DHRSX: variants seen among roughly 807,000 people sequenced by gnomAD.
The protein encoded by DHRSX is polyprenol dehydrogenase.
DHRSX carries 31 observed loss-of-function variants against 34.0 expected under a neutral mutation model. The observed-to-expected ratio is 0.91, with a 90% CI of 0.69 to 1.23. DHRSX has a LOEUF of 1.23. DHRSX is among the 50% of genes most tolerant of loss of function. DHRSX has a pLI of 0.00. For synonymous variants in DHRSX, 201 were observed against 183.8 expected (o/e 1.09, Z -0.76); for missense variants, 414 against 428.1 (o/e 0.97, Z 0.29).
intron 4 of DHRSX, among the ~76,000 whole-genome samples, chrX:2,274,133 G>A (rs1355262247): frequency 6.6e-6 from 1 of 151,894 alleles, no homozygotes; most frequent in African/African-American, 2.4e-5. Context: ...TGCCTCCTGG[G>A]TTCAAGCGAT....
chrX:2,222,913 G>A (rs1350984075), intron 6 of DHRSX, among the ~76,000 whole-genome samples: 1 of 152,142 alleles, frequency 6.6e-6, no homozygotes, highest in East Asian at 1.9e-4. Flanking sequence ...CCGAGCAAGG[G>A]GAACAGGAAG....
At chrX:2,399,888 A>C (rs2043465559) in intron 3 of DHRSX, among the ~76,000 whole-genome samples, 2 of 151,838 alleles carry the variant, frequency 1.3e-5, no homozygotes, top group South Asian at 4.1e-4. Context: ...TAAAAAACAA[A>C]ATTAGCCATG....
rs2015503261 is a variant in DHRSX, at chrX:2,220,780, T to C, written c.*261A>G. On this transcript the variant is annotated 3_prime_UTR_variant, in exon 7 of 7. Coordinates refer to ENST00000334651, the MANE Select transcript of DHRSX (RefSeq NM_145177.3). ...GCACATTTATGTTGGAAAATGTAAT[T>C]ATTTATGGCACCTGTGACAACTGGG... The C allele has an allele frequency of 2.2e-6, 1 of 460,996 alleles. No individual in the cohort carries two copies. The highest frequency in any genetic ancestry group is 3.8e-6 in the Non-Finnish European group (1 of 261,172). The allele number at this position is 460,996 out of a possible 1,614,324, so 28.6% of individuals were successfully genotyped here.
At chrX:2,463,437 T>G (rs1262614996) in intron 1 of DHRSX, among the ~76,000 whole-genome samples, 1 of 151,570 alleles carries the variant, frequency 6.6e-6, no homozygotes, top group Non-Finnish European at 1.5e-5. Flanking sequence ...TGCTCTCCTG[T>G]CATCCTCCCA....
intron 3 of DHRSX, among the ~76,000 whole-genome samples, chrX:2,326,881 G>A (rs1309605672): frequency 1.3e-5 from 2 of 150,706 alleles, no homozygotes; most frequent in East Asian, 2.0e-4. Context: ...GCGCAATCTC[G>A]GCTCACTGAA....
At chrX:2,457,523 C>A (rs2044319056) in intron 1 of DHRSX, among the ~76,000 whole-genome samples, 2 of 141,796 alleles carry the variant, frequency 1.4e-5, no homozygotes, top group African/African-American at 2.7e-5. Flanking sequence ...ATTCCCTAGG[C>A]ATGTGGCCAA....
chrX:2,414,619 C>A (rs1427352008), intron 2 of DHRSX, among the ~76,000 whole-genome samples: 1 of 151,838 alleles, frequency 6.6e-6, no homozygotes, highest in Non-Finnish European at 1.5e-5. Flanking sequence ...TCATCATAAC[C>A]AAACCAACTA....
At chrX:2,433,322 A>G (rs2043951047) in intron 1 of DHRSX, among the ~76,000 whole-genome samples, 1 of 152,184 alleles carries the variant, frequency 6.6e-6, no homozygotes, top group African/African-American at 2.4e-5. Context: ...ACAGGCTCAA[A>G]TGGCCCTCAA....
chrX:2,432,897 G>A (rs1449355924), intron 1 of DHRSX, among the ~76,000 whole-genome samples: 1 of 152,112 alleles, frequency 6.6e-6, no homozygotes, highest in East Asian at 1.9e-4. Context: ...CTGAGGTGGG[G>A]GTATCGCTTG....
Position 2,304,163 on chromosome X carries a change from G to T in DHRSX, c.287-12560C>A, listed in dbSNP as rs1372817641. Among the ~76,000 whole-genome samples, 5 of 145,702 alleles carry T rather than the reference G, an allele frequency of 3.4e-5. 1 individual carries two copies. Among genetic ancestry groups the T allele is most frequent in the South Asian group, 2.3e-4 (1 of 4,354 alleles). On this transcript the variant is annotated intron_variant, in intron 3 of 6. Transcript: ENST00000334651. Reference sequence around the variant, plus strand: ...TGAATGGATGGATGGATGGATGGATGGATGAACTGATGGATGGATGGATGG... The same window carrying T: ...TGAATGGATGGATGGATGGATGGATTGATGAACTGATGGATGGATGGATGG...
At chrX:2,275,531 C>T (rs1441807766) in intron 4 of DHRSX, among the ~76,000 whole-genome samples, 1 of 148,390 alleles carries the variant, frequency 6.7e-6, no homozygotes, top group Non-Finnish European at 1.5e-5. Context: ...AAAAAAGGTG[C>T]AGAGATCATG....
chrX:2,424,871 G>A (rs1183783710), intron 2 of DHRSX, among the ~76,000 whole-genome samples: 1 of 152,122 alleles, frequency 6.6e-6, no homozygotes, highest in African/African-American at 2.4e-5. Flanking sequence ...CAGGCGCAGT[G>A]GCTCACACCT....
intron 3 of DHRSX, among the ~76,000 whole-genome samples, chrX:2,353,756 T>G (rs1337189730): frequency 3.1e-5 from 1 of 32,420 alleles, no homozygotes; most frequent in South Asian, 6.7e-4. Context: ...GCTAATTTTG[T>G]TTTTTTTTAG....
chrX:2,316,880 G>C (rs149583437), intron 3 of DHRSX, among the ~76,000 whole-genome samples: 1 of 152,120 alleles, frequency 6.6e-6, no homozygotes, highest in South Asian at 2.1e-4. Flanking sequence ...TTAGTTTAGA[G>C]GTTAATTTTG....
In DHRSX at chrX:2,425,235, G is replaced by A. The variant is rs149449201; in HGVS notation, c.179C>T (p.Ala60Val). ...GGTDGIGYSTAKHLARLGMHV... is the reference protein window; with the variant it reads ...GGTDGIGYSTVKHLARLGMHV... The stretch of plus-strand genomic sequence containing the variant: ...CATGCCAAGTCTCGCCAGATGCTTC[G>A]CTGTAGAATAGCCAATGCCATCTGT... Residue 60 changes from alanine (A) to valine (V), a missense_variant, in exon 2 of 7, where the codon GCG becomes GTG. Physicochemically the swap from Ala to Val is moderately conservative, Grantham distance 64 (BLOSUM62 0). Coordinates refer to ENST00000334651, the MANE Select transcript of DHRSX (RefSeq NM_145177.3). 67 of 1,613,650 alleles carry A rather than the reference G, an allele frequency of 4.2e-5. No homozygotes were observed. Among genetic ancestry groups the A allele is most frequent in the African/African-American group, 1.5e-4 (11 of 74,968 alleles).
intron 1 of DHRSX, chrX:2,488,660 C>T: frequency 6.2e-7 from 1 of 1,610,036 alleles, no homozygotes; most frequent in East Asian, 2.2e-5. Context: ...GTCCCTAATG[C>T]CAAAGAAACC....
chrX:2,286,687 C>T (rs1346448013), intron 4 of DHRSX, among the ~76,000 whole-genome samples: 1 of 102,196 alleles, frequency 9.8e-6, no homozygotes, highest in Non-Finnish European at 2.5e-5. Flanking sequence ...TCTGTACCCA[C>T]AGAGGAAAAA....
In DHRSX at chrX:2,370,590, G is replaced by GAAAAAAAAAAAAAAAAAAA. The variant is rs59435030; in HGVS notation, c.286+38154_286+38155insTTTTTTTTTTTTTTTTTTT. ...TTGTCTTCCAGAAAATGGTTTTACT[G>GAAAAAAAAAAAAAAAAAAA]AAAAAAAAAAAAAAAAAATTCCCTT... On this transcript the variant is annotated intron_variant, in intron 3 of 6. Transcript: ENST00000334651. Among the ~76,000 whole-genome samples, 65 of 132,666 alleles carry GAAAAAAAAAAAAAAAAAAA rather than the reference G, an allele frequency of 4.9e-4. 2 individuals are homozygous for GAAAAAAAAAAAAAAAAAAA. Among genetic ancestry groups the GAAAAAAAAAAAAAAAAAAA allele is most frequent in the African/African-American group, 9.3e-4 (31 of 33,268 alleles). 87.0% of individuals were successfully genotyped at this position (132,666 alleles called of 152,430 possible). A position where few individuals can be genotyped will look rare whatever the true frequency, so the allele number is the denominator to read the frequency against.
At chrX:2,349,678 C>T (rs1328503900) in intron 3 of DHRSX, among the ~76,000 whole-genome samples, 1 of 145,852 alleles carries the variant, frequency 6.9e-6, no homozygotes, top group Non-Finnish European at 1.5e-5. Context: ...CAGAGTGACA[C>T]TCAGTCTCAA....
Sources: gnomAD v4.1 joint callset for allele counts (sites outside exome capture counted in the v4.1 genomes callset) on GRCh38, gnomAD v4.1.1 for gene constraint, MANE v1.5 for transcripts, NCBI Gene and HGNC (gene_info 2026-07-23, HGNC 2026-07-21) for gene names.